Variants in FSTL4 observed in about 807,000 individuals in gnomAD.
The protein encoded by FSTL4 is follistatin like 4, also known as follistatin-related protein 4.
FSTL4 carries 28 observed loss-of-function variants against 78.2 expected under a neutral mutation model. The observed-to-expected ratio is 0.36, with a 90% CI of 0.27 to 0.49. FSTL4 has a LOEUF of 0.49. Among genes scored for constraint, FSTL4 ranks in the 20% least tolerant of loss-of-function variants. FSTL4 has a pLI of 0.98. For missense variants in FSTL4, 922 were observed against 1,084.9 expected (o/e 0.85, Z 2.11); for synonymous variants, 422 against 440.5 (o/e 0.96, Z 0.53).
At chr5:133,624,448 T>G in the FSTL4 span, among the ~76,000 whole-genome samples, 3 of 151,912 alleles carry the variant, frequency 2.0e-5, no homozygotes, top group African/African-American at 7.2e-5. Context: ...TAGAGAGTAA[T>G]TACTTCCCAT....
chr5:133,635,685 C>T, the FSTL4 span, among the ~76,000 whole-genome samples: 1 of 152,168 alleles, frequency 6.6e-6, no homozygotes, highest in East Asian at 1.9e-4. Flanking sequence ...ACTGTTTGAA[C>T]CCAGGAGACG....
At chr5:133,400,295 G>C (rs1210713702) in intron 4 of FSTL4, among the ~76,000 whole-genome samples, 1 of 152,226 alleles carries the variant, frequency 6.6e-6, no homozygotes, top group East Asian at 1.9e-4. Context: ...GCCAGAGTTT[G>C]TGTCCTTGTC....
intron 3 of FSTL4, among the ~76,000 whole-genome samples, chr5:133,470,751 TAAAATAAAATAAAATA>T (rs1561729993): frequency 1.1e-4 from 3 of 26,766 alleles, no homozygotes; most frequent in Non-Finnish European, 3.5e-4. Flanking sequence ...GCCTCAAAAA[TAAAATAAAATAAAATA>T]AAATAAAATA....
In FSTL4 at chr5:133,221,891, G is replaced by GTTTTTTTTTTTTTTTT. The variant is rs59400068; in HGVS notation, c.1340-1041_1340-1026dup. On this transcript the variant is annotated intron_variant, in intron 11 of 15. Transcript: ENST00000265342. ...AATATGTAGAAAAATCTCTTTTCTA[G>GTTTTTTTTTTTTTTTT]TTTTTTTTTTTTTTTTTTTTTTTTT... Among the ~76,000 whole-genome samples the GTTTTTTTTTTTTTTTT allele has an allele frequency of 1.6e-4, 7 of 43,358 alleles. 1 individual carries two copies. Among genetic ancestry groups the GTTTTTTTTTTTTTTTT allele is most frequent in the African/African-American group, 2.1e-4 (4 of 18,824 alleles). 28.4% of individuals were successfully genotyped at this position (43,358 alleles called of 152,430 possible). A position where few individuals can be genotyped will look rare whatever the true frequency, so the allele number is the denominator to read the frequency against.
chr5:133,211,470 CCTTATA>C (rs1259789552), intron 13 of FSTL4, among the ~76,000 whole-genome samples: 6 of 152,308 alleles, frequency 3.9e-5, no homozygotes, highest in African/African-American at 1.4e-4. Context: ...ACCTCAGCCA[CCTTATA>C]CTTTGTTTTA....
intron 6 of FSTL4, among the ~76,000 whole-genome samples, chr5:133,272,373 G>A (rs1341831512): frequency 6.6e-6 from 1 of 152,216 alleles, no homozygotes; most frequent in African/African-American, 2.4e-5. Context: ...CCAGCGTGGT[G>A]GTAAGGAGGG....
chr5:133,317,861 T>G (rs1254675475), intron 4 of FSTL4, among the ~76,000 whole-genome samples: 1 of 152,196 alleles, frequency 6.6e-6, no homozygotes, highest in Non-Finnish European at 1.5e-5. Context: ...ACTCTCTCCC[T>G]TGACATTATG....
At chr5:133,503,988 T>C (rs1580751231) in intron 3 of FSTL4, among the ~76,000 whole-genome samples, 1 of 152,150 alleles carries the variant, frequency 6.6e-6, no homozygotes, top group East Asian at 1.9e-4. Context: ...ATGAGAAGAA[T>C]GAGAGCCGAG....
At chr5:133,351,901 C>A (rs1356352308) in intron 4 of FSTL4, among the ~76,000 whole-genome samples, 1 of 152,090 alleles carries the variant, frequency 6.6e-6, no homozygotes, top group Non-Finnish European at 1.5e-5. Context: ...AGCCACTGCA[C>A]CTGGCCTTAT....
At position 133,440,537 on chromosome 5, in the gene FSTL4, C is replaced by T. The variant is rs975028729; in HGVS notation, c.161-39551G>A. The stretch of plus-strand genomic sequence containing the variant: ...AATTCAACTTCCTGGGAGAAGCAGT[C>T]GGTACTGGACTTAGCTTATCGCCTC... On this transcript the variant is annotated intron_variant, in intron 3 of 15. Coordinates refer to ENST00000265342, the MANE Select transcript of FSTL4 (RefSeq NM_015082.2). The surrounding 1 kb of genome is among the most constrained non-coding windows in gnomAD (Gnocchi z 4.1). Among the ~76,000 whole-genome samples, 7 of 152,194 alleles carry T rather than the reference C, an allele frequency of 4.6e-5. No individual in the cohort carries two copies. The highest frequency in any genetic ancestry group is 1.0e-4 in the Non-Finnish European group (7 of 68,042).
At chr5:133,432,970 A>T (rs912275880) in intron 3 of FSTL4, among the ~76,000 whole-genome samples, 1 of 152,234 alleles carries the variant, frequency 6.6e-6, no homozygotes, top group Non-Finnish European at 1.5e-5. Flanking sequence ...CAGTACTAAG[A>T]AATGGCTTAC....
the FSTL4 span, among the ~76,000 whole-genome samples, chr5:133,728,262 G>T: frequency 6.6e-6 from 1 of 152,144 alleles, no homozygotes; most frequent in Admixed American, 6.5e-5. Flanking sequence ...ATAGCCAAAT[G>T]GTCCCCAATG....
rs1750181380 is a variant in FSTL4, at chr5:133,197,535, A to C, written c.*1560T>G. ...GGGCGGGGGATGCAGGTGGCTTGGC[A>C]GTCAGGCAGGAGTGAAAGGAGCTGT... On this transcript the variant is annotated 3_prime_UTR_variant, in exon 16 of 16. Transcript: ENST00000265342. 1 of 152,492 alleles carries C rather than the reference A, an allele frequency of 6.6e-6. No homozygotes were observed. The allele number at this position is 152,492 out of a possible 1,614,324, so 9.4% of individuals were successfully genotyped here. A position where few individuals can be genotyped will look rare whatever the true frequency, so the allele number is the denominator to read the frequency against.
the FSTL4 span, among the ~76,000 whole-genome samples, chr5:133,647,511 T>C: frequency 7.9e-5 from 12 of 152,304 alleles, no homozygotes; most frequent in African/African-American, 2.4e-4. Flanking sequence ...CAGTCTTATA[T>C]TGAAGTCCTA....
chr5:133,528,847 T>C (rs1201554031), intron 3 of FSTL4, among the ~76,000 whole-genome samples: 2 of 152,240 alleles, frequency 1.3e-5, no homozygotes. Context: ...AGATGTCTAG[T>C]AAAACCTGTT....
chr5:133,465,769 C>T (rs893459131), intron 3 of FSTL4, among the ~76,000 whole-genome samples: 8 of 152,246 alleles, frequency 5.3e-5, no homozygotes, highest in African/African-American at 1.7e-4. Context: ...AGGGTCAGTG[C>T]TGTCTAAGGT....
chr5:133,833,919 A>G, the FSTL4 span, among the ~76,000 whole-genome samples: 1 of 152,210 alleles, frequency 6.6e-6, no homozygotes, highest in East Asian at 1.9e-4. Flanking sequence ...CTTTGGACCC[A>G]CTCAATCTAG....
At chr5:133,388,950 G>C (rs1476885367) in intron 4 of FSTL4, among the ~76,000 whole-genome samples, 1 of 151,640 alleles carries the variant, frequency 6.6e-6, no homozygotes. Context: ...TCTTTCCTTT[G>C]ACTGCTTGAA....
At chr5:133,661,122 C>T in the FSTL4 span, among the ~76,000 whole-genome samples, 1 of 152,232 alleles carries the variant, frequency 6.6e-6, no homozygotes, top group Non-Finnish European at 1.5e-5. Flanking sequence ...TCCCAAGTAG[C>T]TGGGATTACA....
Sources: gnomAD v4.1 joint callset for allele counts (sites outside exome capture counted in the v4.1 genomes callset) on GRCh38, gnomAD v4.1.1 for gene constraint, Gnocchi (gnomAD v3.1) non-coding constraint, MANE v1.5 for transcripts, NCBI Gene and HGNC (gene_info 2026-07-23, HGNC 2026-07-21) for gene names.